Variants in USP3 observed in about 807,000 individuals in gnomAD.
The protein encoded by USP3 is ubiquitin carboxyl-terminal hydrolase 3.
USP3 carries 20 observed loss-of-function variants against 72.3 expected under a neutral mutation model. The ratio of observed to expected loss-of-function variants is 0.28; its 90% CI spans 0.19 to 0.40. The LOEUF (loss-of-function observed/expected upper bound fraction) is 0.40. USP3 is among the 10% of genes least tolerant of loss of function. The probability of loss-of-function intolerance (pLI) is 1.00; values close to 1 mark genes in which losing one functional copy is unlikely to be tolerated. For synonymous variants in USP3, 222 were observed against 225.3 expected (o/e 0.99, Z 0.13); for missense variants, 479 against 633.9 (o/e 0.76, Z 2.62).
chr15:63,562,094 C>A (rs921432236), intron 7 of USP3, among the ~76,000 whole-genome samples: 2 of 152,348 alleles, frequency 1.3e-5, no homozygotes, highest in South Asian at 4.1e-4. Context: ...CATAGTCCCC[C>A]ATGGTGCTGG....
At chr15:63,563,840 AT>A (rs1207792476) in intron 8 of USP3, among the ~76,000 whole-genome samples, 2 of 152,262 alleles carry the variant, frequency 1.3e-5, no homozygotes, top group Non-Finnish European at 2.9e-5. Context: ...TGTAGTTAAT[AT>A]AGATAAATAT....
intron 9 of USP3, among the ~76,000 whole-genome samples, chr15:63,572,862 T>C (rs2066801963): frequency 6.6e-6 from 1 of 152,238 alleles, no homozygotes; most frequent in Admixed American, 6.5e-5. Flanking sequence ...AGAACAGATA[T>C]TCAGGCCAGA....
At chr15:63,577,021 A>T (rs1296293492) in intron 11 of USP3, among the ~76,000 whole-genome samples, 1 of 152,120 alleles carries the variant, frequency 6.6e-6, no homozygotes, top group Non-Finnish European at 1.5e-5. Flanking sequence ...TGTAATTGTT[A>T]AGCTTAGTTT....
chr15:63,515,708 A>G (rs2152649894), intron 1 of USP3, among the ~76,000 whole-genome samples: 1 of 152,356 alleles, frequency 6.6e-6, no homozygotes, highest in South Asian at 2.1e-4. Context: ...AAATTGAGCA[A>G]TTTCATGAAT....
intron 1 of USP3, among the ~76,000 whole-genome samples, chr15:63,522,821 A>G (rs1394029317): frequency 1.3e-5 from 2 of 152,228 alleles, no homozygotes; most frequent in African/African-American, 4.8e-5. Flanking sequence ...TATACTGATA[A>G]TGTACTGGCA....
intron 9 of USP3, among the ~76,000 whole-genome samples, chr15:63,571,622 G>A (rs1306589806): frequency 1.3e-5 from 2 of 152,172 alleles, no homozygotes; most frequent in Non-Finnish European, 2.9e-5. Flanking sequence ...CATCCACAAA[G>A]GATATTGAAC....
chr15:63,565,064 A>G (rs1338433758), intron 8 of USP3, among the ~76,000 whole-genome samples: 2 of 152,108 alleles, frequency 1.3e-5, no homozygotes, highest in African/African-American at 4.8e-5. Context: ...AATTTTTTTT[A>G]GGTTTAAAAA....
chr15:63,531,956 T>C (rs976969587), intron 1 of USP3, among the ~76,000 whole-genome samples: 13 of 152,190 alleles, frequency 8.5e-5, no homozygotes, highest in African/African-American at 2.9e-4. Flanking sequence ...GATTTTGATA[T>C]CCCTCCCTTT....
intron 1 of USP3, among the ~76,000 whole-genome samples, chr15:63,509,771 T>C (rs970849410): frequency 1.1e-4 from 17 of 152,182 alleles, no homozygotes; most frequent in African/African-American, 3.1e-4. Flanking sequence ...TCTAAATGAT[T>C]GCTCATGGAT....
rs1295337682 is a variant in USP3 at position 63,547,953 on chromosome 15, G to T, written c.285-5762G>T. On this transcript the variant is annotated intron_variant, in intron 3 of 14. Transcript: ENST00000380324. The stretch of plus-strand genomic sequence containing the variant: ...TGTAAGCCCAGCACTTTGGGAAGCA[G>T]AGTTAAACAATTAGCCAAGCATGGT... Among the ~76,000 whole-genome samples the T allele has an allele frequency of 3.3e-5, 5 of 149,574 alleles. No individual in the cohort carries two copies. The East Asian group carries it at 1.0e-3, about 30-fold the overall frequency.
chr15:63,590,878 T>G lies in USP3; in HGVS notation c.*52T>G. The stretch of plus-strand genomic sequence containing the variant: ...ACCATACCAGAGAAACATTTCCAGT[T>G]TTCCACAAATACTTGATACAAGATT... On this transcript the variant is annotated 3_prime_UTR_variant, in exon 15 of 15. Coordinates refer to ENST00000380324, the MANE Select transcript of USP3 (RefSeq NM_006537.4). 6.6e-7 allele frequency: 1 copy of G among 1,519,840 alleles called. No homozygotes were observed. Among genetic ancestry groups the G allele is most frequent in the Non-Finnish European group, 8.8e-7 (1 of 1,130,888 alleles). The allele number at this position is 1,519,840 out of a possible 1,614,324, so 94.1% of individuals were successfully genotyped here.
At chr15:63,548,340 G>A (rs114975931) in intron 3 of USP3, among the ~76,000 whole-genome samples, 10,565 of 150,560 alleles carry the variant, frequency 0.07, 412 homozygotes, top group Non-Finnish European at 0.083. Context: ...GTTTTTTTTG[G>A]GGGGGGACAG....
chr15:63,509,532 T>G (rs766391729), intron 1 of USP3, among the ~76,000 whole-genome samples: 2 of 152,160 alleles, frequency 1.3e-5, no homozygotes, highest in Non-Finnish European at 2.9e-5. Context: ...GGTGGACAAT[T>G]TAGTTGTAAA....
chr15:63,571,064 T>G (rs2066771069), intron 9 of USP3, among the ~76,000 whole-genome samples: 1 of 152,224 alleles, frequency 6.6e-6, no homozygotes, highest in African/African-American at 2.4e-5. Context: ...AAGTTTTTCT[T>G]GCCTCTCAAT....
chr15:63,539,587 C>T (rs140164151), intron 3 of USP3, among the ~76,000 whole-genome samples: 62 of 152,178 alleles, frequency 4.1e-4, no homozygotes, highest in Admixed American at 7.8e-4. Context: ...GGTTTTATTT[C>T]GCTATGGTCT....
intron 1 of USP3, among the ~76,000 whole-genome samples, chr15:63,518,485 T>G (rs1403515339): frequency 3.3e-5 from 5 of 152,216 alleles, no homozygotes; most frequent in Non-Finnish European, 7.4e-5. Flanking sequence ...CTCCCTTGTG[T>G]TTTAGTTTTT....
chr15:63,564,685 T>C (rs184051972), intron 8 of USP3, among the ~76,000 whole-genome samples: 1 of 152,336 alleles, frequency 6.6e-6, no homozygotes, highest in Non-Finnish European at 1.5e-5. Flanking sequence ...GGCTGACGAA[T>C]GTAGCATGTG....
At position 63,589,344 on chromosome 15, in the gene USP3, C is replaced by T. The variant is rs1019061013; in HGVS notation, c.1397+333C>T. Among the ~76,000 whole-genome samples, 7 of 152,142 alleles carry T rather than the reference C, an allele frequency of 4.6e-5. No individual in the cohort carries two copies. In the East Asian group the frequency reaches 7.7e-4, roughly 17 times the overall value. ...GGAAATTACTTGGAATAACTTACTC[C>T]ATATCATCTACTTTAAAGACTCATT... is the stretch of plus-strand genomic sequence containing the variant. On this transcript the variant is annotated intron_variant, in intron 14 of 14. Transcript: ENST00000380324.
In USP3 at chr15:63,504,652, C is replaced by A. The variant is rs1317897537; in HGVS notation, c.-88C>A. ...CGTCGGCCGAGCGCCCGGCTAGAAG[C>A]GACACCAGACGGAGCCTCCGGAGTT... is the stretch of plus-strand genomic sequence containing the variant. On this transcript the variant is annotated 5_prime_UTR_variant, in exon 1 of 15. Transcript: ENST00000380324. The A allele has an allele frequency of 3.4e-6, 4 of 1,184,890 alleles. No individual in the cohort carries two copies. The highest frequency in any genetic ancestry group is 3.1e-5 in the East Asian group (1 of 31,852). 73.4% of individuals were successfully genotyped at this position (1,184,890 alleles called of 1,614,324 possible).
Sources: gnomAD v4.1 joint callset for allele counts (sites outside exome capture counted in the v4.1 genomes callset) on GRCh38, gnomAD v4.1.1 for gene constraint, MANE v1.5 for transcripts, NCBI Gene and HGNC (gene_info 2026-07-23, HGNC 2026-07-21) for gene names.